CCDC3: variants seen among roughly 807,000 people sequenced by gnomAD.
The protein encoded by CCDC3 is coiled-coil domain-containing protein 3.
Under a neutral mutation model 21.4 loss-of-function variants are expected in CCDC3, and 24 were observed. The ratio of observed to expected loss-of-function variants is 1.12; its 90% CI spans 0.81 to 1.58. The LOEUF (loss-of-function observed/expected upper bound fraction) is 1.58, where lower values mean the gene tolerates loss of function less well. CCDC3 is among the 40% of genes most tolerant of loss of function. The pLI, the probability that CCDC3 is intolerant of heterozygous loss-of-function variation, is 0.00. For synonymous variants in CCDC3, 186 were observed against 166.0 expected, an observed-to-expected ratio of 1.12 and a Z score of -0.93; for missense variants, 425 against 360.9, an observed-to-expected ratio of 1.18 and a Z score of -1.44.
intron 5 of CCDC3, among the ~76,000 whole-genome samples, chr10:13,047,668 A>T (rs1836546283): frequency 2.0e-5 from 3 of 152,172 alleles, no homozygotes. Flanking sequence ...TGGTCCTGGC[A>T]ACTGCAAGCT....
intron 2 of CCDC3, among the ~76,000 whole-genome samples, chr10:12,956,122 G>GCATGA (rs1274953909): frequency 2.6e-5 from 4 of 152,078 alleles, no homozygotes; most frequent in African/African-American, 9.7e-5. Flanking sequence ...GGGATTACAG[G>GCATGA]CATGAGCCAC....
chr10:12,978,344 T>C (rs1044010537), intron 2 of CCDC3, among the ~76,000 whole-genome samples: 19 of 152,350 alleles, frequency 1.2e-4, no homozygotes, highest in Middle Eastern at 3.4e-3. Context: ...TTGAAGCGCC[T>C]GTTCCAATCA....
chr10:12,930,818 A>G (rs998622750), intron 2 of CCDC3, among the ~76,000 whole-genome samples: 2 of 152,202 alleles, frequency 1.3e-5, no homozygotes, highest in African/African-American at 2.4e-5. Context: ...GAGGTCAAGA[A>G]GCCCCATTCT....
At chr10:13,069,998 T>A (rs1433293766) in intron 4 of CCDC3, among the ~76,000 whole-genome samples, 2 of 152,176 alleles carry the variant, frequency 1.3e-5, no homozygotes, top group African/African-American at 4.8e-5. Context: ...ATTGTGACAT[T>A]ATTCCAAAGG....
At chr10:12,951,971 C>T (rs1194829327) in intron 2 of CCDC3, among the ~76,000 whole-genome samples, 1 of 152,192 alleles carries the variant, frequency 6.6e-6, no homozygotes, top group Admixed American at 6.5e-5. Context: ...CAGTCCCTGT[C>T]TGTACCATGT....
At chr10:13,044,802 C>CT (rs1226353946) in intron 5 of CCDC3, among the ~76,000 whole-genome samples, 12 of 151,902 alleles carry the variant, frequency 7.9e-5, no homozygotes, top group Admixed American at 3.3e-4. Context: ...TTTAGAGTAG[C>CT]TTTTTTTTCT....
intron 2 of CCDC3, among the ~76,000 whole-genome samples, chr10:12,958,812 C>T (rs1455814388): frequency 3.3e-5 from 5 of 152,086 alleles, no homozygotes; most frequent in African/African-American, 1.2e-4. Flanking sequence ...CCTGCCAACC[C>T]CCCTGGGAAC....
At position 13,014,294 on chromosome 10, in the gene CCDC3, C is replaced by CA. The variant is rs549360243; in HGVS notation, c.-1-15783dup. Among the ~76,000 whole-genome samples, 139 of 146,220 alleles carry CA rather than the reference C, an allele frequency of 9.5e-4. 1 individual carries two copies. Among genetic ancestry groups the CA allele is most frequent in the African/African-American group, 3.4e-3 (135 of 39,598 alleles). ...TGAAACCTCATCTCTACTAAAAATACAAAAAATTAGCCAGGCGTGGTGGCA... is the reference window on the plus strand; with the variant it reads ...TGAAACCTCATCTCTACTAAAAATACAAAAAAATTAGCCAGGCGTGGTGGCA... On this transcript the variant is annotated intron_variant, in intron 5 of 6. Transcript: ENST00000378839.
rs569001022 is a variant in CCDC3, at chr10:12,990,576, T to G, written c.549+7762A>C. Among the ~76,000 whole-genome samples the G allele has an allele frequency of 2.6e-5, 4 of 152,220 alleles. 1 individual carries two copies. The South Asian group carries it at 8.3e-4, about 32-fold the overall frequency. On this transcript the variant is annotated intron_variant, in intron 2 of 2. Coordinates refer to ENST00000378825, the MANE Select transcript of CCDC3 (RefSeq NM_031455.4). ...ACTTCAAAGAAAACAACTGACAGTA[T>G]TGGCTGCCAGTGACTGGGTGTGAGC...
intron 2 of CCDC3, among the ~76,000 whole-genome samples, chr10:12,905,118 A>C (rs1164783031): frequency 6.6e-6 from 1 of 152,212 alleles, no homozygotes; most frequent in Non-Finnish European, 1.5e-5. Context: ...AACACAGACA[A>C]ATAGCTTGCT....
chr10:13,007,926 C>T (rs1231253127), intron 5 of CCDC3, among the ~76,000 whole-genome samples: 1 of 152,146 alleles, frequency 6.6e-6, no homozygotes, highest in East Asian at 1.9e-4. Flanking sequence ...ATGGAAGAGA[C>T]ATGCAAGATA....
chr10:12,917,522 T>C (rs1444654791), intron 2 of CCDC3, among the ~76,000 whole-genome samples: 2 of 152,106 alleles, frequency 1.3e-5, no homozygotes, highest in African/African-American at 2.4e-5. Flanking sequence ...CTATGCCACA[T>C]TGAGATACTG....
chr10:12,946,560 G>A (rs559048319), intron 2 of CCDC3, among the ~76,000 whole-genome samples: 7 of 152,104 alleles, frequency 4.6e-5, no homozygotes, highest in Middle Eastern at 3.4e-3. Flanking sequence ...CTTCCTGTTC[G>A]GCCTAGAGCA....
intron 2 of CCDC3, among the ~76,000 whole-genome samples, chr10:12,902,270 C>T (rs546867432): frequency 1.3e-5 from 2 of 152,312 alleles, no homozygotes; most frequent in South Asian, 4.1e-4. Flanking sequence ...GCTGCTGTTA[C>T]AGGGGAGACC....
rs145339209 is a variant in CCDC3, at chr10:13,041,086, G to A, written c.-2+8588C>T. ...GAGTAATTATTTTTCCAATATGTAC[G>A]TCTAGCAGCCTTTTTAGTAAGTGCG... On this transcript the variant is annotated intron_variant, in intron 5 of 6. Transcript: ENST00000378839. 1.2e-3 allele frequency among the ~76,000 whole-genome samples: 186 copies of A among 152,054 alleles called. 7 individuals carry two copies. The East Asian group carries it at 0.03, about 24-fold the overall frequency.
At chr10:13,068,082 AG>A (rs1454797798) in intron 4 of CCDC3, among the ~76,000 whole-genome samples, 3 of 152,186 alleles carry the variant, frequency 2.0e-5, no homozygotes, top group Admixed American at 6.6e-5. Flanking sequence ...AAAACAGACA[AG>A]GTGCCACTAA....
chr10:13,027,602 T>C (rs1376703401), intron 5 of CCDC3, among the ~76,000 whole-genome samples: 1 of 151,810 alleles, frequency 6.6e-6, no homozygotes, highest in Non-Finnish European at 1.5e-5. Context: ...TCACAGCACT[T>C]TTGGAGGCTG....
At chr10:13,057,833 A>G (rs544055490) in intron 4 of CCDC3, 16 of 333,718 alleles carry the variant, frequency 4.8e-5, no homozygotes, top group Non-Finnish European at 8.5e-5. Flanking sequence ...GTGAGCTGAG[A>G]TCCCGCCATG....
At chr10:13,018,162 A>T (rs1836094384) in intron 5 of CCDC3, among the ~76,000 whole-genome samples, 1 of 151,022 alleles carries the variant, frequency 6.6e-6, no homozygotes, top group Non-Finnish European at 1.5e-5. Context: ...GATATCATAA[A>T]CACAAAGCCA....
Sources: gnomAD v4.1 joint callset for allele counts (sites outside exome capture counted in the v4.1 genomes callset) on GRCh38, gnomAD v4.1.1 for gene constraint, MANE v1.5 for transcripts, NCBI Gene and HGNC (gene_info 2026-07-23, HGNC 2026-07-21) for gene names.